MGST1: variants seen among roughly 807,000 people sequenced by gnomAD.
MGST1 encodes microsomal glutathione S-transferase 1.
MGST1 carries 5 observed loss-of-function variants against 8.9 expected under a neutral mutation model. The observed-to-expected ratio is 0.56, with a 90% CI of 0.29 to 1.19. The LOEUF (loss-of-function observed/expected upper bound fraction) is 1.19. Among genes scored for constraint, MGST1 ranks in the 50% most tolerant of loss-of-function variants. MGST1 has a pLI of 0.08. For synonymous variants in MGST1, 54 were observed against 67.8 expected (o/e 0.80, Z 1.00); for missense variants, 182 against 187.4 (o/e 0.97, Z 0.17).
In MGST1 at chr12:16,560,315, A is replaced by C; in HGVS notation, n.483-29213A>C. 1 of 1,307,058 alleles carries C rather than the reference A, an allele frequency of 7.7e-7. No individual in the cohort carries two copies. The allele number at this position is 1,307,058 out of a possible 1,614,324, so 81.0% of individuals were successfully genotyped here. A position where few individuals can be genotyped will look rare whatever the true frequency, so the allele number is the denominator to read the frequency against. Reference sequence around the variant, plus strand: ...ACAGAACAGAAAAACGCTGAGATTGATTGCTTTAAATGTATGAATATAATT... The same window carrying C: ...ACAGAACAGAAAAACGCTGAGATTGCTTGCTTTAAATGTATGAATATAATT... On this transcript the variant is annotated intron_variant and non_coding_transcript_variant, in intron 4 of 4. Transcript: ENST00000538857. The surrounding 1 kb of genome is among the most constrained non-coding windows in gnomAD (Gnocchi z 5.0).
At chr12:16,541,756 T>A (rs1941794703) in intron 4 of MGST1, among the ~76,000 whole-genome samples, 1 of 152,142 alleles carries the variant, frequency 6.6e-6, no homozygotes, top group South Asian at 2.1e-4. Flanking sequence ...ACTTCGGGCT[T>A]TTATAATGGA....
intron 4 of MGST1, among the ~76,000 whole-genome samples, chr12:16,556,357 C>T (rs1006860071): frequency 2.6e-5 from 4 of 151,962 alleles, no homozygotes; most frequent in African/African-American, 7.3e-5. Context: ...AGAAACTAGC[C>T]GAATTTTAAT....
chr12:16,508,385 A>G (rs975082006), intron 4 of MGST1, among the ~76,000 whole-genome samples: 6 of 152,192 alleles, frequency 3.9e-5, no homozygotes, highest in African/African-American at 1.2e-4. Context: ...TTATTACATG[A>G]AATCAAACTG....
intron 1 of MGST1, among the ~76,000 whole-genome samples, chr12:16,436,508 A>C (rs780125674): frequency 1.4e-4 from 21 of 151,990 alleles, no homozygotes; most frequent in Non-Finnish European, 2.5e-4. Flanking sequence ...CTTGGCACTC[A>C]ATAGAAACTC....
intron 1 of MGST1, among the ~76,000 whole-genome samples, chr12:16,418,528 A>G (rs1344251517): frequency 1.3e-5 from 2 of 152,168 alleles, no homozygotes; most frequent in African/African-American, 4.8e-5. Context: ...GGTGTCAGGA[A>G]CCAAACTCAG....
At position 16,581,838 on chromosome 12, in the gene MGST1, C is replaced by A. The variant is rs552126926; in HGVS notation, n.483-7690C>A. Reference sequence around the variant, plus strand: ...CTCTTTATTAATTTCTTTTATATTCCTAACAAGCTATTTTTGGCATAGAAT... The same window carrying A: ...CTCTTTATTAATTTCTTTTATATTCATAACAAGCTATTTTTGGCATAGAAT... On this transcript the variant is annotated intron_variant and non_coding_transcript_variant, in intron 4 of 4. Coordinates refer to the MGST1 transcript ENST00000538857. Among the ~76,000 whole-genome samples the A allele has an allele frequency of 2.0e-5, 3 of 151,918 alleles. No homozygotes were observed. In the East Asian group the frequency reaches 5.8e-4, roughly 29 times the overall value.
chr12:16,406,544 C>T (rs754876549), intron 1 of MGST1, among the ~76,000 whole-genome samples: 17 of 151,908 alleles, frequency 1.1e-4, no homozygotes, highest in African/African-American at 1.9e-4. Flanking sequence ...ATATTTTTTT[C>T]GCAGAACTAG....
At chr12:16,424,860 A>G (rs1226044743) in intron 1 of MGST1, among the ~76,000 whole-genome samples, 1 of 152,168 alleles carries the variant, frequency 6.6e-6, no homozygotes, top group Non-Finnish European at 1.5e-5. Flanking sequence ...CCCAGTTCAT[A>G]CAGATCAAGT....
At chr12:16,457,504 C>G (rs543198035) in intron 4 of MGST1, among the ~76,000 whole-genome samples, 1 of 151,918 alleles carries the variant, frequency 6.6e-6, no homozygotes, top group African/African-American at 2.4e-5. Flanking sequence ...AGTTGACTTC[C>G]GTGATATTTA....
At chr12:16,464,058 T>A (rs1941238973) in intron 4 of MGST1, among the ~76,000 whole-genome samples, 1 of 152,202 alleles carries the variant, frequency 6.6e-6, no homozygotes, top group Admixed American at 6.5e-5. Flanking sequence ...ACTATTGAAA[T>A]GTGAGCCAGT....
At chr12:16,404,817 C>T (rs1381735153) in intron 1 of MGST1, among the ~76,000 whole-genome samples, 2 of 152,144 alleles carry the variant, frequency 1.3e-5, no homozygotes, top group African/African-American at 2.4e-5. Flanking sequence ...TCATTTTTCT[C>T]AGACCTTCCA....
chr12:16,362,111 G>A lies in MGST1; in HGVS notation c.222-1684G>A, dbSNP rs1485960954. Among the ~76,000 whole-genome samples the A allele has an allele frequency of 6.6e-6, 1 of 152,188 alleles. No homozygotes were observed. Among genetic ancestry groups the A allele is most frequent in the Non-Finnish European group, 1.5e-5 (1 of 68,038 alleles). ...GGAGAACACTAACGTGCCTAAGATTGGAGGTGACGATATCTCTGTGATGCT... is the reference window on the plus strand; with the variant it reads ...GGAGAACACTAACGTGCCTAAGATTAGAGGTGACGATATCTCTGTGATGCT... On this transcript the variant is annotated intron_variant, in intron 3 of 3. Coordinates refer to ENST00000396210, the MANE Select transcript of MGST1 (RefSeq NM_020300.5). This position sits in a 1 kb window ranked among gnomAD's most constrained non-coding sequence, Gnocchi z 4.4.
chr12:16,456,685 C>G (rs2137119444), intron 4 of MGST1, among the ~76,000 whole-genome samples: 1 of 152,034 alleles, frequency 6.6e-6, no homozygotes, highest in Non-Finnish European at 1.5e-5. Context: ...AATTAACACA[C>G]AAACTGAGTC....
At chr12:16,561,826 G>T (rs893129212) in intron 4 of MGST1, among the ~76,000 whole-genome samples, 1 of 152,298 alleles carries the variant, frequency 6.6e-6, no homozygotes, top group African/African-American at 2.4e-5. Flanking sequence ...TTGTTGGATT[G>T]TCTCTTGAAG....
intron 1 of MGST1, chr12:16,400,855 A>G (rs1940649040): frequency 2.5e-6 from 3 of 1,186,196 alleles, no homozygotes; most frequent in Non-Finnish European, 3.8e-6. Context: ...TTTCCCCAAT[A>G]TGTGGTTCCT....
intron 4 of MGST1, among the ~76,000 whole-genome samples, chr12:16,551,503 T>C (rs1056309639): frequency 6.6e-6 from 1 of 151,948 alleles, no homozygotes; most frequent in Non-Finnish European, 1.5e-5. Context: ...CTTCATTTAA[T>C]GAAATGTTGC....
At chr12:16,588,673 TTGAGA>T (rs1277462867) in intron 4 of MGST1, among the ~76,000 whole-genome samples, 5 of 152,088 alleles carry the variant, frequency 3.3e-5, no homozygotes, top group African/African-American at 1.2e-4. Context: ...ATCTCCAGTG[TTGAGA>T]TATTTTTTCC....
In MGST1 at chr12:16,401,797, C is replaced by T; in HGVS notation, n.778+18193C>T. On this transcript the variant is annotated intron_variant and non_coding_transcript_variant, in intron 1 of 1. Coordinates refer to the MGST1 transcript ENST00000359720. This position sits in a 1 kb window ranked among gnomAD's most constrained non-coding sequence, Gnocchi z 4.3. ...AGTTTGCTGTGTCAAACTTTCTCATCTGCATCAACTATTTCCATGACTCTT... is the reference window on the plus strand; with the variant it reads ...AGTTTGCTGTGTCAAACTTTCTCATTTGCATCAACTATTTCCATGACTCTT... 1 of 1,603,508 alleles carries T rather than the reference C, an allele frequency of 6.2e-7. No homozygotes were observed. Among genetic ancestry groups the T allele is most frequent in the Non-Finnish European group, 8.5e-7 (1 of 1,170,282 alleles).
rs1160721984 is a variant in MGST1, at chr12:16,503,510, G to A, written n.483-86018G>A. ...TAACTGCCTTTGTTATTAGGATGAA[G>A]GATAAAGGACATGAACATTTTCTGT... On this transcript the variant is annotated intron_variant and non_coding_transcript_variant, in intron 4 of 4. Transcript: ENST00000538857. This position sits in a 1 kb window ranked among gnomAD's most constrained non-coding sequence, Gnocchi z 4.8. Among the ~76,000 whole-genome samples, 1 of 152,116 alleles carries A rather than the reference G, an allele frequency of 6.6e-6. No homozygotes were observed. Among genetic ancestry groups the A allele is most frequent in the Non-Finnish European group, 1.5e-5 (1 of 68,026 alleles).
Sources: allele counts gnomAD v4.1 joint callset (sites outside exome capture counted in the v4.1 genomes callset), GRCh38; gene constraint gnomAD v4.1.1; non-coding constraint Gnocchi (gnomAD v3.1); transcripts MANE v1.5; gene names NCBI Gene and HGNC (gene_info 2026-07-23, HGNC 2026-07-21).